The following CNBD1 variants were observed in gnomAD, a reference collection of about 807,000 sequenced individuals.
CNBD1 encodes the protein cyclic nucleotide-binding domain-containing protein 1.
In CNBD1, 71 loss-of-function variants were observed where a neutral mutation model predicts 54.4. The ratio of observed to expected loss-of-function variants is 1.30; its 90% confidence interval spans 1.08 to 1.59. CNBD1 has a LOEUF of 1.59. Among genes scored for constraint, CNBD1 ranks in the 40% most tolerant of loss-of-function variants. The pLI, the probability that CNBD1 is intolerant of heterozygous loss-of-function variation, is 0.00. For synonymous variants in CNBD1, 182 were observed against 170.7 expected (o/e 1.07, Z -0.51); for missense variants, 659 against 518.0 (o/e 1.27, Z -2.64).
intron 4 of CNBD1, among the ~76,000 whole-genome samples, chr8:87,205,700 A>G (rs1454838268): frequency 6.6e-6 from 1 of 152,112 alleles, no homozygotes; most frequent in African/African-American, 2.4e-5. Flanking sequence ...CAATAGGAGT[A>G]CTGAGTTTTC....
At chr8:86,939,792 A>G (rs922833441) in intron 4 of CNBD1, 38 bp downstream of exon 4, 26 of 1,235,912 alleles carry the variant, frequency 2.1e-5, no homozygotes, top group Non-Finnish European at 2.6e-5. Flanking sequence ...CTAATTGAGT[A>G]ATTCTTTTGA....
chr8:87,408,405 G>T (rs975116716), intron 2 of CNBD1, among the ~76,000 whole-genome samples: 2 of 151,974 alleles, frequency 1.3e-5, no homozygotes, highest in Non-Finnish European at 2.9e-5. Context: ...GTGTGTGTGT[G>T]TGTGTATAGA....
At chr8:87,270,649 A>G (rs1046377742) in intron 6 of CNBD1, among the ~76,000 whole-genome samples, 1 of 151,924 alleles carries the variant, frequency 6.6e-6, no homozygotes, top group Non-Finnish European at 1.5e-5. Context: ...TCCTATTTGC[A>G]TTAATGTTCA....
chr8:86,934,752 G>T (rs1809514643), intron 3 of CNBD1, among the ~76,000 whole-genome samples: 1 of 151,938 alleles, frequency 6.6e-6, no homozygotes. Flanking sequence ...TTTGTTAATG[G>T]GTTAAATAAC....
intron 4 of CNBD1, among the ~76,000 whole-genome samples, chr8:87,197,791 A>T (rs1813752704): frequency 6.6e-6 from 1 of 152,222 alleles, no homozygotes; most frequent in African/African-American, 2.4e-5. Flanking sequence ...GAGTGACTTT[A>T]ATCTTTTCTG....
intron 1 of CNBD1, among the ~76,000 whole-genome samples, chr8:86,872,892 C>T (rs1381528941): frequency 6.6e-6 from 1 of 152,036 alleles, no homozygotes; most frequent in Non-Finnish European, 1.5e-5. Context: ...TCTGTTGTTT[C>T]CTTTTCTGTG....
rs909403793 is a variant in CNBD1, at chr8:87,278,919, G to A, written c.772-5759G>A. Among the ~76,000 whole-genome samples, 4 of 151,392 alleles carry A rather than the reference G, an allele frequency of 2.6e-5. No homozygotes were observed. In the Admixed American group the frequency reaches 2.6e-4, roughly 10 times the overall value. On this transcript the variant is annotated intron_variant, in intron 6 of 10. Transcript: ENST00000518476. Reference sequence around the variant, plus strand: ...TCTGAGAAGTGGAAAAGGTAATATAGCACTTCCTTCTTATCTGTGGTTTCA... The same window carrying A: ...TCTGAGAAGTGGAAAAGGTAATATAACACTTCCTTCTTATCTGTGGTTTCA...
intron 4 of CNBD1, among the ~76,000 whole-genome samples, chr8:87,115,580 G>C (rs1016728134): frequency 6.6e-6 from 1 of 152,150 alleles, no homozygotes. Flanking sequence ...CACATTTATG[G>C]AGTGGCAGTC....
At chr8:87,114,382 A>C (rs776972514) in intron 4 of CNBD1, among the ~76,000 whole-genome samples, 15 of 151,918 alleles carry the variant, frequency 9.9e-5, no homozygotes, top group Non-Finnish European at 1.9e-4. Flanking sequence ...ATGGAGTCTC[A>C]CTCTGTTGCC....
At chr8:86,950,093 G>A (rs111983550) in intron 4 of CNBD1, among the ~76,000 whole-genome samples, 24 of 102,348 alleles carry the variant, frequency 2.3e-4, no homozygotes, top group Admixed American at 1.8e-3. Flanking sequence ...ATGGAGTCTC[G>A]CTCTGTCCCC....
intron 2 of CNBD1, among the ~76,000 whole-genome samples, chr8:87,408,113 C>T (rs1248150062): frequency 1.3e-5 from 2 of 151,856 alleles, no homozygotes; most frequent in South Asian, 2.1e-4. Flanking sequence ...TTATCTTTCC[C>T]CTTTAGTTAC....
chr8:87,285,568 C>A (rs1158022172), intron 7 of CNBD1, among the ~76,000 whole-genome samples: 1 of 152,036 alleles, frequency 6.6e-6, no homozygotes, highest in African/African-American at 2.4e-5. Context: ...GAAACCCCTT[C>A]TCTACTAAAA....
At chr8:87,375,237 T>C (rs1810902260) in intron 10 of CNBD1, among the ~76,000 whole-genome samples, 1 of 147,464 alleles carries the variant, frequency 6.8e-6, no homozygotes, top group Non-Finnish European at 1.5e-5. Context: ...CTGACAACAC[T>C]GTTTTTAAAA....
chr8:86,875,018 A>ATATATG (rs1277730526), intron 1 of CNBD1, among the ~76,000 whole-genome samples: 3 of 139,130 alleles, frequency 2.2e-5, no homozygotes, highest in African/African-American at 5.4e-5. Flanking sequence ...ATATATATAT[A>ATATATG]TATGTATTAA....
At chr8:87,418,455 G>T (rs1807871815) in intron 2 of CNBD1, among the ~76,000 whole-genome samples, 2 of 151,864 alleles carry the variant, frequency 1.3e-5, no homozygotes, top group Admixed American at 1.3e-4. Context: ...ACTAGGCAAT[G>T]GTTTCCAGGA....
chr8:87,045,541 T>C (rs149669202), intron 4 of CNBD1, among the ~76,000 whole-genome samples: 5,630 of 151,586 alleles, frequency 0.037, 342 homozygotes, highest in African/African-American at 0.13. Context: ...CTGGCTAACA[T>C]GGTAAAACCC....
At chr8:87,058,727 C>T (rs969344987) in intron 4 of CNBD1, among the ~76,000 whole-genome samples, 1 of 152,178 alleles carries the variant, frequency 6.6e-6, no homozygotes, top group Admixed American at 6.5e-5. Flanking sequence ...TAGGAAGGCC[C>T]TGGACCCAGT....
intron 4 of CNBD1, among the ~76,000 whole-genome samples, chr8:87,013,974 TA>T (rs964505286): frequency 5.5e-4 from 79 of 144,472 alleles, no homozygotes; most frequent in East Asian, 2.8e-3. Flanking sequence ...AAGTCTAAAA[TA>T]AAAAAAAAAG....
intron 4 of CNBD1, among the ~76,000 whole-genome samples, chr8:87,153,830 A>G (rs981212487): frequency 6.6e-6 from 1 of 152,228 alleles, no homozygotes. Flanking sequence ...GTACAAGAAC[A>G]TCTCATTTCT....
Sources: gnomAD v4.1 joint callset for allele counts (sites outside exome capture counted in the v4.1 genomes callset) on GRCh38, gnomAD v4.1.1 for gene constraint, MANE v1.5 for transcripts, NCBI Gene and HGNC (gene_info 2026-07-23, HGNC 2026-07-21) for gene names.